The following HESX1 variants were observed in gnomAD, a reference collection of about 807,000 sequenced individuals.
HESX1 encodes the protein homeobox expressed in ES cells 1.
HESX1 carries 11 observed loss-of-function variants against 22.5 expected under a neutral mutation model. That is an observed-to-expected ratio of 0.49 (90% CI 0.31 to 0.81). The LOEUF is 0.81. HESX1 is among the 30% of genes least tolerant of loss of function. The probability of loss-of-function intolerance (pLI) is 0.05; values close to 1 mark genes in which losing one functional copy is unlikely to be tolerated. For synonymous variants in HESX1, 74 were observed against 76.5 expected (o/e 0.97, Z 0.17); for missense variants, 201 against 212.6 (o/e 0.95, Z 0.34).
upstream of HESX1, chr3:57,200,041 C>G: frequency 1.2e-6 from 1 of 812,278 alleles, no homozygotes; most frequent in Non-Finnish European, 2.1e-6. Flanking sequence ...GGATTTAGAA[C>G]GTCACTAATT....
intron 1 of HESX1, among the ~76,000 whole-genome samples, chr3:57,225,886 T>TC (rs1178795064): frequency 6.7e-6 from 1 of 149,056 alleles, no homozygotes; most frequent in Non-Finnish European, 1.5e-5. Context: ...CTTTTCTTTT[T>TC]TTTTTTTTTT....
At chr3:57,217,791 A>C (rs1362719304) in intron 1 of HESX1, among the ~76,000 whole-genome samples, 1 of 152,044 alleles carries the variant, frequency 6.6e-6, no homozygotes, top group Admixed American at 6.6e-5. Context: ...CTGCACTCTC[A>C]TGCAGGTGCC....
At chr3:57,204,915 G>A (rs1412037133), upstream of HESX1, among the ~76,000 whole-genome samples, 1 of 152,266 alleles carries the variant, frequency 6.6e-6, no homozygotes, top group East Asian at 1.9e-4. Context: ...TGGAAAAGGA[G>A]CAGCTAGCAA....
At chr3:57,199,631 A>T (rs1331335103) in intron 1 of HESX1, 131 bp downstream of exon 1, 1 of 547,852 alleles carries the variant, frequency 1.8e-6, no homozygotes, top group Non-Finnish European at 2.6e-6. Context: ...GAAAAAAAAA[A>T]AAAATAATAA....
chr3:57,214,497 C>T (rs566321641), intron 1 of HESX1, among the ~76,000 whole-genome samples: 51 of 152,300 alleles, frequency 3.3e-4, no homozygotes, highest in African/African-American at 1.2e-3. Flanking sequence ...AATTCCAGCT[C>T]TTCTTAGCTA....
chr3:57,199,954 T>C lies in HESX1; in HGVS notation c.-36A>G. 7.5e-6 allele frequency: 12 copies of C among 1,602,148 alleles called. No individual in the cohort carries two copies. Among genetic ancestry groups the C allele is most frequent in the Non-Finnish European group, 9.4e-6 (11 of 1,169,942 alleles). On this transcript the variant is annotated 5_prime_UTR_variant, in exon 1 of 4. Coordinates refer to ENST00000295934, the MANE Select transcript of HESX1 (RefSeq NM_003865.3). Reference sequence around the variant, plus strand: ...TCTGCACAGAGCAACAGCTCTGGCCTCTGCTGGCTCTGCCCCACGTGTATA... The same window carrying C: ...TCTGCACAGAGCAACAGCTCTGGCCCCTGCTGGCTCTGCCCCACGTGTATA...
At chr3:57,199,551 G>A (rs546215521) in intron 1 of HESX1, among the ~76,000 whole-genome samples, 6 of 151,750 alleles carry the variant, frequency 4.0e-5, no homozygotes, top group South Asian at 4.2e-4. Context: ...CCCAGGAGGC[G>A]GAGGCTGCAG....
At chr3:57,205,142 C>G (rs2060512766) in intron 1 of HESX1, among the ~76,000 whole-genome samples, 1 of 152,174 alleles carries the variant, frequency 6.6e-6, no homozygotes, top group Non-Finnish European at 1.5e-5. Context: ...GGCATGGTGG[C>G]TCATGCCTAT....
In HESX1 at chr3:57,199,783, C is replaced by T; in HGVS notation, c.136G>A (p.Ala46Thr). Residue 46 changes from alanine to threonine, a missense_variant, in exon 1 of 4, where the codon GCA (alanine) becomes ACA (threonine). Ala to Thr is a moderately conservative substitution (Grantham distance 58). Transcript: ENST00000295934. ...ATACCTGATGAGCTGCAGGTGTCTGCCCAGGGCCTGTGGGGTTTCATTAAT... is the reference window on the plus strand; with the variant it reads ...ATACCTGATGAGCTGCAGGTGTCTGTCCAGGGCCTGTGGGGTTTCATTAAT... ...VPLMKPHRPW[A>T]DTCSSSGKDG... 1 of 1,614,070 alleles carries T rather than the reference C, an allele frequency of 6.2e-7. No individual in the cohort carries two copies. The highest frequency in any genetic ancestry group is 1.1e-5 in the South Asian group (1 of 91,070).
At chr3:57,220,036 C>T (rs1453820337) in intron 1 of HESX1, among the ~76,000 whole-genome samples, 2 of 152,142 alleles carry the variant, frequency 1.3e-5, no homozygotes, top group African/African-American at 2.4e-5. Context: ...AAAAAGGGTC[C>T]AGTTTCAATC....
exon 1 of HESX1, chr3:57,226,347 G>C (rs1311871893): frequency 1.3e-5 from 2 of 152,130 alleles, no homozygotes; most frequent in African/African-American, 4.8e-5. Flanking sequence ...CTTGTTGGCA[G>C]AGTAGAAATG....
At chr3:57,201,875 A>ATC (rs796249286), upstream of HESX1, among the ~76,000 whole-genome samples, 5,815 of 131,850 alleles carry the variant, frequency 0.044, 149 homozygotes, top group East Asian at 0.11. Flanking sequence ...CTATCTATCT[A>ATC]TATCTATCTA....
chr3:57,201,875 A>ATCTATATATATCTATC (rs796249286), upstream of HESX1, among the ~76,000 whole-genome samples: 1 of 131,844 alleles, frequency 7.6e-6, no homozygotes, highest in African/African-American at 2.7e-5. Context: ...CTATCTATCT[A>ATCTATATATATCTATC]TATCTATCTA....
upstream of HESX1, among the ~76,000 whole-genome samples, chr3:57,226,916 G>C (rs1242759188): frequency 1.3e-5 from 2 of 152,242 alleles, no homozygotes; most frequent in Non-Finnish European, 2.9e-5. Context: ...GGATAGGCTT[G>C]TAGCCCTCAT....
At chr3:57,202,743 T>G (rs1045576076), upstream of HESX1, among the ~76,000 whole-genome samples, 4 of 152,046 alleles carry the variant, frequency 2.6e-5, no homozygotes, top group Non-Finnish European at 4.4e-5. Context: ...GATAAATACA[T>G]TGAAAGGAGT....
At chr3:57,219,306 C>T (rs2060601455) in intron 1 of HESX1, among the ~76,000 whole-genome samples, 1 of 152,112 alleles carries the variant, frequency 6.6e-6, no homozygotes, top group Non-Finnish European at 1.5e-5. Flanking sequence ...GGTTATTTTT[C>T]ATATGCTCAT....
upstream of HESX1, among the ~76,000 whole-genome samples, chr3:57,201,837 G>C (rs2060488175): frequency 6.6e-6 from 1 of 151,672 alleles, no homozygotes; most frequent in Non-Finnish European, 1.5e-5. Flanking sequence ...AGCTTAAATT[G>C]ATTTTCCTTG....
chr3:57,204,431 A>G (rs1176721763), upstream of HESX1, among the ~76,000 whole-genome samples: 1 of 152,232 alleles, frequency 6.6e-6, no homozygotes, highest in African/African-American at 2.4e-5. Flanking sequence ...GGTGAGGGAA[A>G]GGAAGGCATT....
chr3:57,201,875 A>ATCTATCTATATC (rs796249286), upstream of HESX1, among the ~76,000 whole-genome samples: 1 of 131,844 alleles, frequency 7.6e-6, no homozygotes, highest in African/African-American at 2.7e-5. Context: ...CTATCTATCT[A>ATCTATCTATATC]TATCTATCTA....
Sources: allele counts gnomAD v4.1 joint callset (sites outside exome capture counted in the v4.1 genomes callset), GRCh38; gene constraint gnomAD v4.1.1; transcripts MANE v1.5; gene names NCBI Gene and HGNC (gene_info 2026-07-23, HGNC 2026-07-21).